The following SHISA6 variants were observed in gnomAD, a reference collection of about 807,000 sequenced individuals.
SHISA6 encodes protein shisa-6.
A neutral mutation model predicts 47.9 loss-of-function variants in SHISA6; 22 were observed. The observed-to-expected ratio is 0.46, with a 90% CI of 0.33 to 0.66. SHISA6 has a LOEUF of 0.66. Among genes scored for constraint, SHISA6 ranks in the 30% least tolerant of loss-of-function variants. The pLI is 0.02. For missense variants in SHISA6, 680 were observed against 764.6 expected (o/e 0.89, Z 1.30); for synonymous variants, 388 against 337.8 (o/e 1.15, Z -1.63).
chr17:11,439,331 G>A (rs568258119), intron 3 of SHISA6, among the ~76,000 whole-genome samples: 1 of 152,272 alleles, frequency 6.6e-6, no homozygotes. Flanking sequence ...GTACATCTAC[G>A]GGTGGGGGGC....
chr17:11,288,881 C>T (rs577619485), intron 2 of SHISA6: 8 of 152,252 alleles, frequency 5.3e-5, no homozygotes, highest in African/African-American at 1.9e-4. Flanking sequence ...CTAAATGATA[C>T]TGAGGACAGT....
chr17:11,481,372 A>G (rs868281472), intron 3 of SHISA6, among the ~76,000 whole-genome samples: 5,816 of 142,844 alleles, frequency 0.041, 139 homozygotes, highest in Middle Eastern at 0.061. Flanking sequence ...GTGTGTATAT[A>G]TATATATATA....
chr17:11,366,064 A>G (rs1462172118), intron 2 of SHISA6, among the ~76,000 whole-genome samples: 2 of 152,248 alleles, frequency 1.3e-5, no homozygotes, highest in African/African-American at 2.4e-5. Flanking sequence ...TGCTATGGCT[A>G]TAGGGAGCCA....
chr17:11,248,634 T>A (rs964412537), intron 1 of SHISA6, among the ~76,000 whole-genome samples: 2 of 152,236 alleles, frequency 1.3e-5, no homozygotes, highest in Admixed American at 1.3e-4. Flanking sequence ...TTCCACTGAA[T>A]GTCTCCACTA....
Position 11,277,763 on chromosome 17 carries a change from C to A in SHISA6, c.799+14237C>A, listed in dbSNP as rs551324822. ...CCTTCTATCTGGTTGCTCTGGCTTC[C>A]TAAGCACGTGCCTTCCATGTCATAG... On this transcript the variant is annotated intron_variant, in intron 2 of 5. Coordinates refer to ENST00000441885, the MANE Select transcript of SHISA6 (RefSeq NM_207386.4). Among the ~76,000 whole-genome samples the A allele has an allele frequency of 5.9e-5, 9 of 152,216 alleles. No homozygotes were observed. The East Asian group carries it at 1.7e-3, about 29-fold the overall frequency.
At chr17:11,318,912 A>G (rs908648747) in intron 2 of SHISA6, among the ~76,000 whole-genome samples, 46 of 152,162 alleles carry the variant, frequency 3.0e-4, no homozygotes, top group Middle Eastern at 3.4e-3. Context: ...TGCTCAAACT[A>G]TCTGCAGTGG....
chr17:11,350,181 TA>T (rs375903109), intron 2 of SHISA6, among the ~76,000 whole-genome samples: 15,907 of 118,742 alleles, frequency 0.13, 1,118 homozygotes, highest in East Asian at 0.19. Flanking sequence ...TTTATTTATT[TA>T]TTTTTTTTTT....
intron 2 of SHISA6, among the ~76,000 whole-genome samples, chr17:11,330,568 A>G (rs897731672): frequency 1.3e-5 from 2 of 152,100 alleles, no homozygotes; most frequent in Admixed American, 6.5e-5. Context: ...CTGTTTCTAA[A>G]GAAAATCTAC....
chr17:11,321,037 T>C (rs7502432), intron 2 of SHISA6, among the ~76,000 whole-genome samples: 25,012 of 152,164 alleles, frequency 0.16, 2,791 homozygotes, highest in African/African-American at 0.31. Flanking sequence ...TAATATCACA[T>C]AAACAAAGTG....
chr17:11,397,842 G>A (rs1032240925), intron 3 of SHISA6, among the ~76,000 whole-genome samples: 1 of 151,944 alleles, frequency 6.6e-6, no homozygotes, highest in African/African-American at 2.4e-5. Context: ...GGTACCTGGT[G>A]GGCTTTTTTC....
intron 3 of SHISA6, among the ~76,000 whole-genome samples, chr17:11,408,802 TC>T (rs1438663259): frequency 1.3e-5 from 2 of 152,148 alleles, no homozygotes; most frequent in Non-Finnish European, 2.9e-5. Flanking sequence ...GCTCAGCTGT[TC>T]CCCTTGCTCA....
At chr17:11,249,418 A>G (rs1248854637) in intron 1 of SHISA6, among the ~76,000 whole-genome samples, 1 of 152,162 alleles carries the variant, frequency 6.6e-6, no homozygotes, top group Non-Finnish European at 1.5e-5. Context: ...GCTCATTCAT[A>G]GACGCCAGTT....
At chr17:11,427,739 G>C (rs1914645101) in intron 3 of SHISA6, among the ~76,000 whole-genome samples, 1 of 152,092 alleles carries the variant, frequency 6.6e-6, no homozygotes, top group Admixed American at 6.5e-5. Context: ...AGTGGTATAA[G>C]GGCCAAAAGG....
At chr17:11,250,378 G>T (rs1371857129) in intron 1 of SHISA6, among the ~76,000 whole-genome samples, 1 of 152,222 alleles carries the variant, frequency 6.6e-6, no homozygotes, top group Non-Finnish European at 1.5e-5. Context: ...AGCCCAGGAA[G>T]ATAAGGCTGC....
At chr17:11,242,145 A>T in intron 1 of SHISA6, 85 bp downstream of exon 1, 1 of 1,508,890 alleles carries the variant, frequency 6.6e-7, no homozygotes, top group Non-Finnish European at 8.9e-7. Context: ...CACTCTCGGC[A>T]TCATCACACC....
intron 2 of SHISA6, among the ~76,000 whole-genome samples, chr17:11,321,379 G>A (rs1489178709): frequency 6.6e-6 from 1 of 152,146 alleles, no homozygotes. Context: ...AGGAAAGGTA[G>A]GCAAACAAGA....
chr17:11,241,726 G>A lies in SHISA6; in HGVS notation c.304G>A (p.Gly102Ser). Residue 102 changes from glycine (G) to serine (S), a missense_variant, in exon 1 of 6, where the codon GGC (glycine) becomes AGC (serine). By Grantham distance (56) the Gly-to-Ser change is moderately conservative. Coordinates refer to ENST00000441885, the MANE Select transcript of SHISA6 (RefSeq NM_207386.4). The surrounding 1 kb of genome is among the most constrained non-coding windows in gnomAD (Gnocchi z 5.5). ...GTGCTGGGGCTACTACGACGTGAGC[G>A]GCCAGTACGACAAGGAGTTCGAGTG... ...ETCWGYYDVS[G>S]QYDKEFECNN... 6.5e-7 allele frequency: 1 copy of A among 1,542,032 alleles called. No individual in the cohort carries two copies. The highest frequency in any genetic ancestry group is 8.7e-7 in the Non-Finnish European group (1 of 1,146,826).
chr17:11,300,842 G>A (rs1424622968), intron 2 of SHISA6, among the ~76,000 whole-genome samples: 1 of 151,954 alleles, frequency 6.6e-6, no homozygotes, highest in Non-Finnish European at 1.5e-5. Context: ...GGGAAGGGAG[G>A]TGGAGCACAT....
At chr17:11,539,970 G>A (rs769461533) in intron 3 of SHISA6, among the ~76,000 whole-genome samples, 3 of 152,138 alleles carry the variant, frequency 2.0e-5, no homozygotes, top group Non-Finnish European at 2.9e-5. Flanking sequence ...GCATATCCCC[G>A]CAGAGAAGAG....
Sources: allele counts gnomAD v4.1 joint callset (sites outside exome capture counted in the v4.1 genomes callset), GRCh38; gene constraint gnomAD v4.1.1; non-coding constraint Gnocchi (gnomAD v3.1); transcripts MANE v1.5; gene names NCBI Gene and HGNC (gene_info 2026-07-23, HGNC 2026-07-21).